The following ZNF26 variants were observed in gnomAD, a reference collection of about 807,000 sequenced individuals.
The protein encoded by ZNF26 is zinc finger protein 26, also known as epididymis luminal protein 179.
ZNF26 carries 32 observed loss-of-function variants against 54.9 expected under a neutral mutation model. The ratio of observed to expected loss-of-function variants is 0.58; its 90% CI spans 0.44 to 0.78. The LOEUF is 0.78. Ranked by LOEUF, ZNF26 falls within the 30% of genes least tolerant of loss-of-function variation. The pLI is 0.00. For synonymous variants in ZNF26, 221 were observed against 209.2 expected (o/e 1.06, Z -0.49); for missense variants, 524 against 634.0 (o/e 0.83, Z 1.86).
Position 133,001,121 on chromosome 12 carries a change from A to C in ZNF26, c.34-5921A>C, listed in dbSNP as rs1953210280. Among the ~76,000 whole-genome samples, 1 of 152,138 alleles carries C rather than the reference A, an allele frequency of 6.6e-6. No homozygotes were observed. Among genetic ancestry groups the C allele is most frequent in the Non-Finnish European group, 1.5e-5 (1 of 68,040 alleles). ...ATTTAAAGTAACCAGCTTGATAAGCACCTCAACGTAATAAGGGCACAGTAG... is the reference window on the plus strand; with the variant it reads ...ATTTAAAGTAACCAGCTTGATAAGCCCCTCAACGTAATAAGGGCACAGTAG... On this transcript the variant is annotated intron_variant, in intron 1 of 3. Coordinates refer to ENST00000328654, the MANE Select transcript of ZNF26 (RefSeq NM_019591.4). This position sits in a 1 kb window ranked among gnomAD's most constrained non-coding sequence, Gnocchi z 4.7.
chr12:132,988,271 C>G (rs1952870965), intron 1 of ZNF26, among the ~76,000 whole-genome samples: 2 of 151,812 alleles, frequency 1.3e-5, no homozygotes, highest in Non-Finnish European at 2.9e-5. Flanking sequence ...GGATCTCACT[C>G]TGTTGCCCAG....
In ZNF26 at chr12:133,001,653, C is replaced by T. The variant is rs1953221726; in HGVS notation, c.34-5389C>T. The T allele has an allele frequency of 3.9e-6, 5 of 1,288,976 alleles. No homozygotes were observed. The highest frequency in any genetic ancestry group is 2.3e-5 in the Admixed American group (1 of 43,528). 79.8% of individuals were successfully genotyped at this position (1,288,976 alleles called of 1,614,324 possible). On this transcript the variant is annotated intron_variant, in intron 1 of 3. Coordinates refer to ENST00000328654, the MANE Select transcript of ZNF26 (RefSeq NM_019591.4). This position sits in a 1 kb window ranked among gnomAD's most constrained non-coding sequence, Gnocchi z 4.7. ...TGCAGGTAGTGCTGCTGAGGAGGAG[C>T]CTGCTAATGAGCTCAAGTGTCAAGT...
In ZNF26 at chr12:133,018,905, A is replaced by G. The variant is rs1953602016; in HGVS notation, c.*7424A>G. On this transcript the variant is annotated 3_prime_UTR_variant, in exon 4 of 4. Coordinates refer to ENST00000328654, the MANE Select transcript of ZNF26 (RefSeq NM_019591.4). ...AGCGCACCTGGCCAGTAATAACATT[A>G]AATGTGAATAGATTAAACTATCAAA... 6.6e-6 allele frequency: 1 copy of G among 152,204 alleles called. No homozygotes were observed. The highest frequency in any genetic ancestry group is 6.5e-5 in the Admixed American group (1 of 15,268). The allele number at this position is 152,204 out of a possible 1,614,324, so 9.4% of individuals were successfully genotyped here. A position where few individuals can be genotyped will look rare whatever the true frequency, so the allele number is the denominator to read the frequency against.
intron 1 of ZNF26, among the ~76,000 whole-genome samples, chr12:132,997,312 C>T (rs1008371242): frequency 2.0e-4 from 31 of 152,114 alleles, no homozygotes; most frequent in African/African-American, 6.5e-4. Context: ...AGGGGTTAAT[C>T]AGAAGCCCAC....
At chr12:132,987,555 A>G (rs965810306) in intron 1 of ZNF26, 68 of 227,056 alleles carry the variant, frequency 3.0e-4, no homozygotes, top group African/African-American at 1.5e-3. Context: ...ACGTTGCCGG[A>G]TGTGGTGCTC....
At chr12:132,994,976 C>A (rs1288540149) in intron 1 of ZNF26, among the ~76,000 whole-genome samples, 1 of 152,144 alleles carries the variant, frequency 6.6e-6, no homozygotes, top group Non-Finnish European at 1.5e-5. Context: ...GTCAAATGCC[C>A]CCGGGGGGGC....
chr12:133,014,862 A>G lies in ZNF26; in HGVS notation c.*3381A>G, dbSNP rs1953545592. 6.6e-6 allele frequency: 1 copy of G among 151,976 alleles called. No individual in the cohort carries two copies. The highest frequency in any genetic ancestry group is 1.5e-5 in the Non-Finnish European group (1 of 67,996). The allele number at this position is 151,976 out of a possible 1,614,324, so 9.4% of individuals were successfully genotyped here. ...TGCCTGACCATGATGATGGTTTTAA[A>G]AGTTAGCTGTAGCAGCTAAGGCAAG... is the stretch of plus-strand genomic sequence containing the variant. On this transcript the variant is annotated 3_prime_UTR_variant, in exon 4 of 4. Transcript: ENST00000328654.
At position 132,996,631 on chromosome 12, in the gene ZNF26, T is replaced by C. The variant is rs758605177; in HGVS notation, c.33+9758T>C. Among the ~76,000 whole-genome samples the C allele has an allele frequency of 6.8e-3, 1,042 of 152,378 alleles. 9 individuals carry two copies. The highest frequency in any genetic ancestry group is 0.023 in the African/African-American group (957 of 41,596). ...TTGTGGAAAATTAATATCTTTGCCA[T>C]GTAAGTCTACTCATCATAAACATGG... is the stretch of plus-strand genomic sequence containing the variant. On this transcript the variant is annotated intron_variant, in intron 1 of 3. Transcript: ENST00000328654.
Position 133,026,071 on chromosome 12 carries a change from T to C in ZNF26, c.*14590T>C, listed in dbSNP as rs913439596. 3.3e-5 allele frequency: 5 copies of C among 152,120 alleles called. No individual in the cohort carries two copies. The highest frequency in any genetic ancestry group is 1.2e-4 in the African/African-American group (5 of 41,414). The allele number at this position is 152,120 out of a possible 1,614,324, so 9.4% of individuals were successfully genotyped here. On this transcript the variant is annotated 3_prime_UTR_variant, in exon 4 of 4. Coordinates refer to ENST00000328654, the MANE Select transcript of ZNF26 (RefSeq NM_019591.4). Reference sequence around the variant, plus strand: ...GCTGCCTAGCTGAGCCTATCTTGAATTTCTGACCCAGGAAACTATTAGATA... The same window carrying C: ...GCTGCCTAGCTGAGCCTATCTTGAACTTCTGACCCAGGAAACTATTAGATA...
At position 133,013,188 on chromosome 12, in the gene ZNF26, T is replaced by A. The variant is rs1322263682; in HGVS notation, c.*1707T>A. ...GGGGCAGAGATGGCTGATTTTGATC[T>A]TGCTGGATCTTAGACCATGAGAATG... On this transcript the variant is annotated 3_prime_UTR_variant, in exon 4 of 4. Transcript: ENST00000328654. 2 of 152,234 alleles carry A rather than the reference T, an allele frequency of 1.3e-5. No individual in the cohort carries two copies. Among genetic ancestry groups the A allele is most frequent in the Admixed American group, 1.3e-4 (2 of 15,282 alleles). The allele number at this position is 152,234 out of a possible 1,614,324, so 9.4% of individuals were successfully genotyped here. A position where few individuals can be genotyped will look rare whatever the true frequency, so the allele number is the denominator to read the frequency against.
chr12:133,006,902 A>G, intron 1 of ZNF26, 140 bp from the exon 2 acceptor site: 1 of 1,148,420 alleles, frequency 8.7e-7, no homozygotes, highest in Non-Finnish European at 1.3e-6. Flanking sequence ...TTGATTTTTA[A>G]TTCTCTCACA....
At position 133,011,333 on chromosome 12, in the gene ZNF26, G is replaced by C. The variant is rs1039961425; in HGVS notation, c.1454G>C (p.Ser485Thr). Reference sequence around the variant, plus strand: ...TCGGGAGAGAAACCTTTTAAATGCAGTGAATGTGGAAAAGCCTTCACTCAG... The same window carrying C: ...TCGGGAGAGAAACCTTTTAAATGCACTGAATGTGGAAAAGCCTTCACTCAG... Reference protein sequence around the residue: ...THSGEKPFKCSECGKAFTQKS... With the variant: ...THSGEKPFKCTECGKAFTQKS... The change falls in exon 4 of 4, where the codon AGT becomes ACT. Residue 485 changes from serine to threonine, a missense_variant. Ser to Thr is a moderately conservative substitution (Grantham distance 58). Coordinates refer to ENST00000328654, the MANE Select transcript of ZNF26 (RefSeq NM_019591.4). 5.4e-5 allele frequency: 87 copies of C among 1,613,994 alleles called. No individual in the cohort carries two copies. The Admixed American group carries it at 1.4e-3, about 26-fold the overall frequency.
chr12:133,008,469 A>G (rs1390925676), intron 3 of ZNF26, among the ~76,000 whole-genome samples: 2 of 151,984 alleles, frequency 1.3e-5, no homozygotes, highest in Non-Finnish European at 2.9e-5. Context: ...CCATTCTTTC[A>G]TTGCTATAAA....
Position 133,011,112 on chromosome 12 carries a change from A to G in ZNF26, c.1233A>G (p.Ser411=), listed in dbSNP as rs981644154. The part of the protein sequence containing the change: ...SECGKAFSSK[S]YLVIHRRTHT... ...GTGGGAAGGCTTTCAGCAGCAAGTC[A>G]TACCTTGTTATACATAGGAGAACAC... Residue 411 remains serine (S), a synonymous_variant, in exon 4 of 4, where the codon TCA becomes TCG. Transcript: ENST00000328654. 6.2e-7 allele frequency: 1 copy of G among 1,614,190 alleles called. No homozygotes were observed. Among genetic ancestry groups the G allele is most frequent in the South Asian group, 1.1e-5 (1 of 91,084 alleles).
chr12:133,026,916 G>A lies in ZNF26; in HGVS notation c.*15435G>A, dbSNP rs917006971. On this transcript the variant is annotated 3_prime_UTR_variant, in exon 4 of 4. Transcript: ENST00000328654. ...TTTAACCAAATAATGTAGAAATAGA[G>A]TGATATGAAACATAAATACCTATAT... 1.3e-5 allele frequency: 2 copies of A among 152,134 alleles called. No individual in the cohort carries two copies. Among genetic ancestry groups the A allele is most frequent in the African/African-American group, 4.8e-5 (2 of 41,426 alleles). 9.4% of individuals were successfully genotyped at this position (152,134 alleles called of 1,614,324 possible).
intron 1 of ZNF26, chr12:132,987,838 G>A (rs2137202624): frequency 1.7e-6 from 1 of 595,106 alleles, no homozygotes; most frequent in Non-Finnish European, 2.1e-6. Context: ...AGAAACGAGA[G>A]AAAGTTAGGA....
rs997881262 is a variant in ZNF26, at chr12:133,022,195, G to A, written c.*10714G>A. 6.6e-6 allele frequency: 1 copy of A among 152,104 alleles called. No individual in the cohort carries two copies. The highest frequency in any genetic ancestry group is 2.4e-5 in the African/African-American group (1 of 41,412). The allele number at this position is 152,104 out of a possible 1,614,324, so 9.4% of individuals were successfully genotyped here. Reference sequence around the variant, plus strand: ...ATCACATCACTGCACTCCAGCCTGGGTGACAGAGTGAGACCCTGTCACACA... The same window carrying A: ...ATCACATCACTGCACTCCAGCCTGGATGACAGAGTGAGACCCTGTCACACA... On this transcript the variant is annotated 3_prime_UTR_variant, in exon 4 of 4. Coordinates refer to ENST00000328654, the MANE Select transcript of ZNF26 (RefSeq NM_019591.4).
intron 1 of ZNF26, among the ~76,000 whole-genome samples, chr12:133,004,207 T>G (rs1191613310): frequency 6.6e-6 from 1 of 152,190 alleles, no homozygotes; most frequent in African/African-American, 2.4e-5. Flanking sequence ...AGTGCTTGAT[T>G]GTCTTTAAGT....
chr12:133,005,004 A>G (rs1442653526), intron 1 of ZNF26: 1 of 152,022 alleles, frequency 6.6e-6, no homozygotes, highest in African/African-American at 2.4e-5. Flanking sequence ...ATCTGCTTAA[A>G]TTTGGACCTT....
Sources: allele counts gnomAD v4.1 joint callset (sites outside exome capture counted in the v4.1 genomes callset), GRCh38; gene constraint gnomAD v4.1.1; non-coding constraint Gnocchi (gnomAD v3.1); transcripts MANE v1.5; gene names NCBI Gene and HGNC (gene_info 2026-07-23, HGNC 2026-07-21).